The following TPTE2 variants were observed in gnomAD, a reference collection of about 807,000 sequenced individuals.
TPTE2 encodes the protein transmembrane phosphoinositide 3-phosphatase and tensin homolog 2.
In TPTE2, 53 loss-of-function variants were observed where a neutral mutation model predicts 78.6. That is an observed-to-expected ratio of 0.67 (90% CI 0.54 to 0.85). The LOEUF (loss-of-function observed/expected upper bound fraction) is 0.85. Among genes scored for constraint, TPTE2 ranks in the 40% least tolerant of loss-of-function variants. TPTE2 has a pLI of 0.00. For missense variants in TPTE2, 461 were observed against 623.0 expected (o/e 0.74, Z 2.77); for synonymous variants, 175 against 206.2 (o/e 0.85, Z 1.30).
chr13:19,548,845 G>A, the TPTE2 span, among the ~76,000 whole-genome samples: 3 of 145,972 alleles, frequency 2.1e-5, no homozygotes, highest in Non-Finnish European at 3.0e-5. Context: ...TAGGCCAGGT[G>A]CGGTGACTTA....
chr13:19,499,984 C>G (rs1881658466), intron 1 of TPTE2, among the ~76,000 whole-genome samples: 1 of 146,392 alleles, frequency 6.8e-6, no homozygotes, highest in African/African-American at 2.7e-5. Context: ...ACCAATCCCA[C>G]AGAAATACAA....
chr13:19,469,244 T>C (rs1879462672), intron 6 of TPTE2, among the ~76,000 whole-genome samples: 1 of 152,224 alleles, frequency 6.6e-6, no homozygotes, highest in South Asian at 2.1e-4. Context: ...TGTATGTGTA[T>C]ATCCAGTTTT....
the TPTE2 span, among the ~76,000 whole-genome samples, chr13:19,556,803 T>C: frequency 6.6e-6 from 1 of 152,222 alleles, no homozygotes; most frequent in Non-Finnish European, 1.5e-5. Flanking sequence ...TATACAACAT[T>C]ATTTCTACAA....
At chr13:19,544,934 TCACACACACACACACACA>T in the TPTE2 span, among the ~76,000 whole-genome samples, 276 of 142,420 alleles carry the variant, frequency 1.9e-3, 2 homozygotes, top group Non-Finnish European at 2.5e-3. Flanking sequence ...ACGTGCACAC[TCACACACACACACACACA>T]CACACACACA....
At chr13:19,426,540 G>C (rs1245359197) in intron 17 of TPTE2, 23 bp from the exon 21 acceptor site, 1 of 1,384,108 alleles carries the variant, frequency 7.2e-7, no homozygotes, top group Non-Finnish European at 1.0e-6. Flanking sequence ...ACATGGAATT[G>C]AGAACTACAA....
At chr13:19,456,297 C>A (rs1239348955) in intron 10 of TPTE2, among the ~76,000 whole-genome samples, 1 of 151,866 alleles carries the variant, frequency 6.6e-6, no homozygotes, top group Non-Finnish European at 1.5e-5. Context: ...GTCAGTGAGA[C>A]CAGAGAGACT....
chr13:19,459,272 T>C (rs1878736412), intron 10 of TPTE2, among the ~76,000 whole-genome samples: 1 of 152,176 alleles, frequency 6.6e-6, no homozygotes. Context: ...GGGCTGTTTT[T>C]TTCTTGTAAA....
intron 6 of TPTE2, among the ~76,000 whole-genome samples, chr13:19,472,083 C>G (rs1879654307): frequency 6.6e-6 from 1 of 152,152 alleles, no homozygotes; most frequent in Non-Finnish European, 1.5e-5. Flanking sequence ...TTTTCTCTTG[C>G]TGCTTTTAAG....
chr13:19,439,041 G>A (rs1041618668), intron 13 of TPTE2, among the ~76,000 whole-genome samples: 1 of 152,168 alleles, frequency 6.6e-6, no homozygotes, highest in African/African-American at 2.4e-5. Flanking sequence ...GGGAAACGCT[G>A]CCGGCATTTT....
intron 13 of TPTE2, among the ~76,000 whole-genome samples, chr13:19,443,654 C>T (rs543325805): frequency 6.6e-6 from 1 of 151,932 alleles, no homozygotes; most frequent in Non-Finnish European, 1.5e-5. Context: ...TCTGACCCCA[C>T]TGGGCCTCCC....
chr13:19,461,520 T>C (rs1878888990), intron 10 of TPTE2, among the ~76,000 whole-genome samples: 1 of 152,194 alleles, frequency 6.6e-6, no homozygotes, highest in Admixed American at 6.5e-5. Flanking sequence ...CAGAACTTTT[T>C]CCTATCTGTA....
chr13:19,460,382 C>G (rs1456576097), intron 10 of TPTE2, among the ~76,000 whole-genome samples: 2 of 152,222 alleles, frequency 1.3e-5, no homozygotes, highest in Non-Finnish European at 2.9e-5. Flanking sequence ...ATTGGTCGAC[C>G]TGTTCATCCA....
At chr13:19,561,358 C>T in the TPTE2 span, 1 of 545,446 alleles carries the variant, frequency 1.8e-6, no homozygotes, top group African/African-American at 1.9e-5. Flanking sequence ...GCCTGCAGGT[C>T]CACTCTAATA....
chr13:19,473,002 C>A (rs1234761520), intron 6 of TPTE2, among the ~76,000 whole-genome samples: 1 of 152,322 alleles, frequency 6.6e-6, no homozygotes, highest in African/African-American at 2.4e-5. Context: ...GGATAATTCT[C>A]TGCATTACCA....
At chr13:19,546,386 T>C in the TPTE2 span, among the ~76,000 whole-genome samples, 5 of 151,668 alleles carry the variant, frequency 3.3e-5, no homozygotes, top group Admixed American at 2.6e-4. Context: ...AGCTCACGCC[T>C]GTAATCCCAA....
intron 10 of TPTE2, among the ~76,000 whole-genome samples, chr13:19,455,487 T>C (rs541084878): frequency 9.2e-5 from 14 of 152,318 alleles, no homozygotes; most frequent in African/African-American, 2.9e-4. Context: ...ACTCTAGCTC[T>C]TTCCTTTTGC....
chr13:19,546,483 C>CTTTTTCT, the TPTE2 span, among the ~76,000 whole-genome samples: 1 of 85,042 alleles, frequency 1.2e-5, no homozygotes, highest in Admixed American at 1.9e-4. Flanking sequence ...TTTTCTTTTT[C>CTTTTTCT]TTTTTTTTTT....
exon 13 of TPTE2, chr13:19,450,076 C>G: frequency 6.2e-7 from 1 of 1,610,658 alleles, no homozygotes; most frequent in Non-Finnish European, 8.5e-7. Flanking sequence ...ATGTTATTAC[C>G]TTTGCCTCCT....
rs370869658 is a variant in TPTE2 at position 19,474,001 on chromosome 13, A to T, written c.305T>A (p.Leu102His). 38 of 1,610,140 alleles carry T rather than the reference A, an allele frequency of 2.4e-5. No homozygotes were observed. In the African/African-American group the frequency reaches 5.1e-4, roughly 22 times the overall value. ...AGAACGATACTCCAAAGGAATATAA[A>T]GTTTGCTGTCAGTGAAAATTAGGTC... The change falls in exon 6 of 20, where the codon CTT becomes CAT. Residue 102 changes from leucine (L) to histidine (H), a missense_variant. Transcript: ENST00000400230.
Sources: allele counts gnomAD v4.1 joint callset (sites outside exome capture counted in the v4.1 genomes callset), GRCh38; gene constraint gnomAD v4.1.1; transcripts MANE v1.5; gene names NCBI Gene and HGNC (gene_info 2026-07-23, HGNC 2026-07-21).